The following FUT9 variants were observed in gnomAD, a reference collection of about 807,000 sequenced individuals.
FUT9 encodes fucosyltransferase 9.
A neutral mutation model predicts 29.7 loss-of-function variants in FUT9; 15 were observed. The ratio of observed to expected loss-of-function variants is 0.51; its 90% CI spans 0.34 to 0.78. The LOEUF (loss-of-function observed/expected upper bound fraction) is 0.78. Among genes scored for constraint, FUT9 ranks in the 30% least tolerant of loss-of-function variants. The probability of loss-of-function intolerance (pLI) is 0.01; values close to 1 mark genes in which losing one functional copy is unlikely to be tolerated. For missense variants in FUT9, 319 were observed against 425.4 expected (o/e 0.75, Z 2.20); for synonymous variants, 169 against 153.7 (o/e 1.10, Z -0.74).
At chr6:96,018,336 T>A (rs1370388530) in intron 1 of FUT9, among the ~76,000 whole-genome samples, 1 of 152,180 alleles carries the variant, frequency 6.6e-6, no homozygotes, top group African/African-American at 2.4e-5. Flanking sequence ...TTAAAGTCAA[T>A]GTATTCTAAT....
intron 1 of FUT9, among the ~76,000 whole-genome samples, chr6:96,075,464 C>T (rs1391341582): frequency 1.3e-5 from 2 of 152,086 alleles, no homozygotes; most frequent in African/African-American, 4.8e-5. Flanking sequence ...ATCTCACTTT[C>T]CTGACAAATA....
At chr6:96,158,640 G>A (rs565569122) in intron 2 of FUT9, among the ~76,000 whole-genome samples, 60 of 152,146 alleles carry the variant, frequency 3.9e-4, no homozygotes, top group African/African-American at 1.4e-3. Flanking sequence ...AACTTGCTCT[G>A]TTGTTTTAAT....
At chr6:96,096,706 G>GTGTGTGTGTGTGTGTC (rs1186286284) in intron 1 of FUT9, among the ~76,000 whole-genome samples, 1 of 151,560 alleles carries the variant, frequency 6.6e-6, no homozygotes, top group African/African-American at 2.4e-5. Flanking sequence ...GTGTGTGTGT[G>GTGTGTGTGTGTGTGTC]TCTTATTCTT....
chr6:96,075,959 T>C (rs574887338), intron 1 of FUT9, among the ~76,000 whole-genome samples: 9 of 152,272 alleles, frequency 5.9e-5, no homozygotes, highest in African/African-American at 2.2e-4. Context: ...TTCCACCTCT[T>C]AAAACATACC....
At chr6:96,115,331 G>A (rs2127962389) in intron 2 of FUT9, among the ~76,000 whole-genome samples, 1 of 152,194 alleles carries the variant, frequency 6.6e-6, no homozygotes, top group South Asian at 2.1e-4. Flanking sequence ...AAAAGAATGA[G>A]ACAATTTGCA....
chr6:96,173,477 T>C (rs1009726823), intron 2 of FUT9, among the ~76,000 whole-genome samples: 2 of 152,124 alleles, frequency 1.3e-5, no homozygotes, highest in African/African-American at 4.8e-5. Context: ...GGAGAATGTA[T>C]CACACATCGT....
At chr6:96,066,527 A>G (rs1770964836) in intron 1 of FUT9, among the ~76,000 whole-genome samples, 1 of 152,044 alleles carries the variant, frequency 6.6e-6, no homozygotes, top group Non-Finnish European at 1.5e-5. Context: ...TATTCCTGTC[A>G]CCACTCATAA....
At chr6:96,048,654 T>C (rs907197013) in intron 1 of FUT9, among the ~76,000 whole-genome samples, 1 of 152,180 alleles carries the variant, frequency 6.6e-6, no homozygotes, top group African/African-American at 2.4e-5. Context: ...TGGGAGGAGA[T>C]GAGTGTATTC....
intron 2 of FUT9, among the ~76,000 whole-genome samples, chr6:96,151,348 T>C (rs1772672167): frequency 1.3e-5 from 2 of 152,184 alleles, no homozygotes; most frequent in African/African-American, 4.8e-5. Context: ...CTGAAGAAGA[T>C]AATCACATTG....
At chr6:96,060,655 G>T (rs1026546153) in intron 1 of FUT9, among the ~76,000 whole-genome samples, 9 of 151,750 alleles carry the variant, frequency 5.9e-5, no homozygotes, top group African/African-American at 1.9e-4. Flanking sequence ...TCCTGCCTCA[G>T]CCTCCCCAGT....
chr6:96,186,554 A>G (rs1327027827), intron 2 of FUT9, among the ~76,000 whole-genome samples: 1 of 152,186 alleles, frequency 6.6e-6, no homozygotes, highest in African/African-American at 2.4e-5. Context: ...TATCATATAT[A>G]TAGAATACAT....
intron 2 of FUT9, among the ~76,000 whole-genome samples, chr6:96,175,269 C>T (rs913512781): frequency 2.0e-5 from 3 of 152,096 alleles, no homozygotes; most frequent in Non-Finnish European, 4.4e-5. Context: ...GTCCATGGCC[C>T]CGTCACCTGC....
At chr6:96,153,199 G>A (rs1772713795) in intron 2 of FUT9, among the ~76,000 whole-genome samples, 1 of 152,090 alleles carries the variant, frequency 6.6e-6, no homozygotes, top group African/African-American at 2.4e-5. Context: ...ATCCAAATTT[G>A]GTAAAGAAAT....
chr6:96,213,801 A>C lies in FUT9; in HGVS notation c.*9566A>C, dbSNP rs942751154. ...CATGATTATTTTATATCAAACATCA[A>C]CTTTTCTTTAAATCTTATTTTAGTA... On this transcript the variant is annotated 3_prime_UTR_variant, in exon 3 of 3. Coordinates refer to ENST00000302103, the MANE Select transcript of FUT9 (RefSeq NM_006581.4). 1.8e-5 allele frequency: 3 copies of C among 166,976 alleles called. No individual in the cohort carries two copies. The highest frequency in any genetic ancestry group is 7.2e-5 in the African/African-American group (3 of 41,444). 10.3% of individuals were successfully genotyped at this position (166,976 alleles called of 1,614,324 possible). A position where few individuals can be genotyped will look rare whatever the true frequency, so the allele number is the denominator to read the frequency against.
chr6:96,052,143 C>T (rs993189574), intron 1 of FUT9, among the ~76,000 whole-genome samples: 15 of 152,032 alleles, frequency 9.9e-5, no homozygotes, highest in Admixed American at 2.0e-4. Flanking sequence ...AAGTGCTGAG[C>T]AAAAGGGGGA....
intron 2 of FUT9, among the ~76,000 whole-genome samples, chr6:96,193,005 G>A (rs1773543784): frequency 6.6e-6 from 1 of 151,794 alleles, no homozygotes; most frequent in Non-Finnish European, 1.5e-5. Flanking sequence ...GCCATATGAA[G>A]AAACCTGAAA....
intron 2 of FUT9, among the ~76,000 whole-genome samples, chr6:96,144,177 C>T (rs1429447779): frequency 1.3e-5 from 2 of 151,778 alleles, no homozygotes; most frequent in East Asian, 3.9e-4. Context: ...ATCTGTGACT[C>T]CTGCTTTTGG....
At chr6:96,051,852 G>C (rs1418239232) in intron 1 of FUT9, among the ~76,000 whole-genome samples, 2 of 151,812 alleles carry the variant, frequency 1.3e-5, no homozygotes, top group Admixed American at 6.6e-5. Context: ...TAATTCCTTG[G>C]ATTAGAATTC....
intron 1 of FUT9, among the ~76,000 whole-genome samples, chr6:96,022,364 C>T (rs1388348410): frequency 6.6e-6 from 1 of 152,050 alleles, no homozygotes; most frequent in African/African-American, 2.4e-5. Context: ...TCACCAACAG[C>T]TTAATTGTGT....
Sources: gnomAD v4.1 joint callset for allele counts (sites outside exome capture counted in the v4.1 genomes callset) on GRCh38, gnomAD v4.1.1 for gene constraint, MANE v1.5 for transcripts, NCBI Gene and HGNC (gene_info 2026-07-23, HGNC 2026-07-21) for gene names.